The following XYLB variants were observed in gnomAD, a reference collection of about 807,000 sequenced individuals.
XYLB encodes xylulokinase.
A neutral mutation model predicts 78.7 loss-of-function variants in XYLB; 62 were observed. The observed-to-expected ratio is 0.79, with a 90% CI of 0.64 to 0.97. The LOEUF (loss-of-function observed/expected upper bound fraction) is 0.97. Among genes scored for constraint, XYLB ranks in the 50% least tolerant of loss-of-function variants. The pLI is 0.00. For synonymous variants in XYLB, 245 were observed against 247.4 expected (o/e 0.99, Z 0.09); for missense variants, 687 against 676.8 (o/e 1.02, Z -0.17).
chr3:38,414,381 A>G lies in XYLB; in HGVS notation c.*1368A>G, dbSNP rs1011594020. On this transcript the variant is annotated 3_prime_UTR_variant, in exon 19 of 19. Coordinates refer to ENST00000207870, the MANE Select transcript of XYLB (RefSeq NM_005108.4). ...AGCAAGAGGTTAAAGATAATGGCCC[A>G]TTAGATACAACAGCAAGCCCAAGAT... is the stretch of plus-strand genomic sequence containing the variant. 2.0e-5 allele frequency: 3 copies of G among 152,260 alleles called. No homozygotes were observed. The highest frequency in any genetic ancestry group is 4.4e-5 in the Non-Finnish European group (3 of 68,064). The allele number at this position is 152,260 out of a possible 1,614,324, so 9.4% of individuals were successfully genotyped here.
At chr3:38,405,624 T>C (rs1352357012) in intron 18 of XYLB, among the ~76,000 whole-genome samples, 1 of 152,212 alleles carries the variant, frequency 6.6e-6, no homozygotes, top group African/African-American at 2.4e-5. Context: ...GAGTTCCCTT[T>C]CCTAGTCAAA....
At chr3:38,427,037 G>T in the XYLB span, among the ~76,000 whole-genome samples, 4 of 152,196 alleles carry the variant, frequency 2.6e-5, no homozygotes, top group African/African-American at 4.8e-5. Flanking sequence ...AGATTGCTTT[G>T]TTTCCCATAA....
At chr3:38,372,112 A>T (rs563304695) in intron 9 of XYLB, among the ~76,000 whole-genome samples, 1 of 152,174 alleles carries the variant, frequency 6.6e-6, no homozygotes, top group Non-Finnish European at 1.5e-5. Context: ...CTCAAGACCC[A>T]TGTTTTTCGT....
At chr3:38,422,710 G>C (rs1709016411), downstream of XYLB, among the ~76,000 whole-genome samples, 1 of 151,976 alleles carries the variant, frequency 6.6e-6, no homozygotes, top group African/African-American at 2.4e-5. Flanking sequence ...TACAGCAATG[G>C]GGAGCACAAG....
chr3:38,396,408 G>T (rs1707871390), intron 16 of XYLB, among the ~76,000 whole-genome samples: 1 of 152,200 alleles, frequency 6.6e-6, no homozygotes, highest in African/African-American at 2.4e-5. Context: ...CCCTGGGGAG[G>T]TTAAATCTCC....
At chr3:38,399,494 A>G (rs1008184753) in intron 17 of XYLB, among the ~76,000 whole-genome samples, 2 of 152,202 alleles carry the variant, frequency 1.3e-5, no homozygotes, top group African/African-American at 2.4e-5. Context: ...GAGGCCTGAC[A>G]TGTCCAACAA....
At chr3:38,407,181 T>C (rs1437159016) in intron 18 of XYLB, among the ~76,000 whole-genome samples, 4 of 149,512 alleles carry the variant, frequency 2.7e-5, no homozygotes, top group Non-Finnish European at 5.9e-5. Context: ...TAACAGCGGA[T>C]CTCTCGGCAG....
At chr3:38,374,554 C>G (rs765026153) in intron 11 of XYLB, 52 bp downstream of exon 11, 6 of 1,612,028 alleles carry the variant, frequency 3.7e-6, no homozygotes, top group Non-Finnish European at 3.4e-6. Flanking sequence ...CACTCACACC[C>G]ACACTCTGAT....
At chr3:38,404,841 C>A (rs1708248937) in intron 18 of XYLB, among the ~76,000 whole-genome samples, 1 of 152,068 alleles carries the variant, frequency 6.6e-6, no homozygotes, top group Non-Finnish European at 1.5e-5. Flanking sequence ...AATAAAAAAA[C>A]AAAACTTAAC....
chr3:38,433,719 A>G, the XYLB span, among the ~76,000 whole-genome samples: 1 of 152,182 alleles, frequency 6.6e-6, no homozygotes, highest in Non-Finnish European at 1.5e-5. Flanking sequence ...CATTGTCCAT[A>G]TCACTGTCAG....
chr3:38,426,150 A>G (rs1445108902), downstream of XYLB, among the ~76,000 whole-genome samples: 1 of 152,244 alleles, frequency 6.6e-6, no homozygotes, highest in Non-Finnish European at 1.5e-5. Context: ...TGCATTTCAC[A>G]GTACAAACAG....
At chr3:38,444,317 G>T in the XYLB span, among the ~76,000 whole-genome samples, 4 of 152,172 alleles carry the variant, frequency 2.6e-5, no homozygotes, top group Non-Finnish European at 5.9e-5. Flanking sequence ...TAGCCTGGGG[G>T]TTTTTGTGGT....
downstream of XYLB, among the ~76,000 whole-genome samples, chr3:38,423,038 C>T (rs948387356): frequency 3.3e-5 from 5 of 152,120 alleles, no homozygotes; most frequent in Non-Finnish European, 7.4e-5. Flanking sequence ...ATAGCTCTAA[C>T]GTTTCCCCCC....
At chr3:38,391,045 C>A (rs910714866) in intron 15 of XYLB, among the ~76,000 whole-genome samples, 1 of 152,058 alleles carries the variant, frequency 6.6e-6, no homozygotes, top group Non-Finnish European at 1.5e-5. Flanking sequence ...CATGGTGAAA[C>A]CCCGTCTCTA....
the XYLB span, among the ~76,000 whole-genome samples, chr3:38,436,899 G>A: frequency 6.6e-6 from 1 of 151,840 alleles, no homozygotes; most frequent in African/African-American, 2.4e-5. Flanking sequence ...AGCTACTTGG[G>A]AGGCTGAGGC....
chr3:38,397,230 A>G, intron 17 of XYLB, 71 bp downstream of exon 17: 1 of 1,420,240 alleles, frequency 7.0e-7, no homozygotes, highest in Non-Finnish European at 1.0e-6. Context: ...GAGGGTGGAA[A>G]GGGGAGAGTG....
the XYLB span, among the ~76,000 whole-genome samples, chr3:38,433,053 A>T: frequency 1.3e-5 from 2 of 152,310 alleles, no homozygotes; most frequent in Admixed American, 6.5e-5. Context: ...CCCCCAGCAA[A>T]CTTCTGCCTG....
At chr3:38,443,664 T>C in the XYLB span, among the ~76,000 whole-genome samples, 1 of 152,220 alleles carries the variant, frequency 6.6e-6, no homozygotes, top group East Asian at 1.9e-4. Flanking sequence ...GTTCAGGGCC[T>C]AGGGCTTTCT....
chr3:38,389,819 A>G (rs1024907105), intron 15 of XYLB, among the ~76,000 whole-genome samples: 1 of 152,062 alleles, frequency 6.6e-6, no homozygotes, highest in Admixed American at 6.5e-5. Context: ...ATAGTAGTTC[A>G]CTGGAGACAT....
Sources: gnomAD v4.1 joint callset for allele counts (sites outside exome capture counted in the v4.1 genomes callset) on GRCh38, gnomAD v4.1.1 for gene constraint, MANE v1.5 for transcripts, NCBI Gene and HGNC (gene_info 2026-07-23, HGNC 2026-07-21) for gene names.